GATA4: variants seen among roughly 807,000 people sequenced by gnomAD.
GATA4 encodes the protein GATA binding protein 4, also known as transcription factor GATA-4.
Under a neutral mutation model 37.9 loss-of-function variants are expected in GATA4, and 7 were observed. The observed-to-expected ratio is 0.18, with a 90% CI of 0.11 to 0.35. The LOEUF is 0.35. Among genes scored for constraint, GATA4 ranks in the 10% least tolerant of loss-of-function variants. GATA4 has a pLI of 1.00. For synonymous variants in GATA4, 372 were observed against 292.6 expected, an observed-to-expected ratio of 1.27 and a Z score of -2.77; for missense variants, 647 against 653.0, an observed-to-expected ratio of 0.99 and a Z score of 0.10.
chr8:11,691,597 G>A (rs1161563186), upstream of GATA4, among the ~76,000 whole-genome samples: 6 of 152,236 alleles, frequency 3.9e-5, no homozygotes, highest in Admixed American at 6.5e-5. Context: ...TCATTTTATG[G>A]ACAGAAAACT....
intron 1 of GATA4, among the ~76,000 whole-genome samples, chr8:11,687,464 C>T (rs1563186958): frequency 6.6e-6 from 1 of 152,144 alleles, no homozygotes; most frequent in South Asian, 2.1e-4. Flanking sequence ...ACTGCTGAAC[C>T]AAACAGAGCT....
intron 1 of GATA4, among the ~76,000 whole-genome samples, chr8:11,679,416 C>G (rs904779374): frequency 6.6e-6 from 1 of 152,184 alleles, no homozygotes; most frequent in East Asian, 1.9e-4. Context: ...CCAGCCGGGT[C>G]TGATAAAGCC....
At chr8:11,737,302 G>T (rs991620914) in intron 2 of GATA4, among the ~76,000 whole-genome samples, 3 of 152,182 alleles carry the variant, frequency 2.0e-5, no homozygotes, top group Admixed American at 1.3e-4. Flanking sequence ...CCAGCTGGCT[G>T]CTGCTGCTGC....
At position 11,709,059 on chromosome 8, in the gene GATA4, T is replaced by C. The variant is rs1800042870; in HGVS notation, c.616+131T>C. On this transcript the variant is annotated intron_variant, in intron 2 of 6. Coordinates refer to ENST00000532059, the MANE Select transcript of GATA4 (RefSeq NM_001308093.3). The surrounding 1 kb of genome is among the most constrained non-coding windows in gnomAD (Gnocchi z 4.3). Reference sequence around the variant, plus strand: ...GGATGGTGCTTCACTACCTCGAGTTTCTAGGGAAGGCAGAAGCCAGTGCGG... The same window carrying C: ...GGATGGTGCTTCACTACCTCGAGTTCCTAGGGAAGGCAGAAGCCAGTGCGG... 9 of 962,026 alleles carry C rather than the reference T, an allele frequency of 9.4e-6. No homozygotes were observed. Among genetic ancestry groups the C allele is most frequent in the Non-Finnish European group, 1.3e-5 (9 of 700,198 alleles). 59.6% of individuals were successfully genotyped at this position (962,026 alleles called of 1,614,324 possible).
intron 1 of GATA4, chr8:11,677,100 C>G (rs534114355): frequency 6.5e-6 from 1 of 152,928 alleles, no homozygotes; most frequent in African/African-American, 2.4e-5. Flanking sequence ...GACCCCTCTG[C>G]CGTGGGAGGC....
At chr8:11,692,928 C>G in intron 1 of GATA4, 1 of 984,722 alleles carries the variant, frequency 1.0e-6, no homozygotes, top group South Asian at 4.7e-5. Flanking sequence ...CCGCGGCGGC[C>G]GTCAGCGCGC....
chr8:11,680,813 C>A, intron 1 of GATA4: 2 of 985,400 alleles, frequency 2.0e-6, no homozygotes, highest in East Asian at 1.1e-4. Context: ...CACCCCGACG[C>A]CTCGGTCCCC....
upstream of GATA4, among the ~76,000 whole-genome samples, chr8:11,699,968 A>G (rs1799621447): frequency 6.6e-6 from 1 of 152,234 alleles, no homozygotes; most frequent in African/African-American, 2.4e-5. Context: ...TAGAATGGAA[A>G]AAAAAGAACT....
At chr8:11,746,711 G>A (rs891067856) in intron 2 of GATA4, among the ~76,000 whole-genome samples, 5 of 150,906 alleles carry the variant, frequency 3.3e-5, no homozygotes, top group Non-Finnish European at 7.4e-5. Context: ...AGTGTTGATT[G>A]TGGTGGTCCA....
Position 11,708,545 on chromosome 8 carries a change from C to G in GATA4, c.233C>G (p.Ala78Gly), listed in dbSNP as rs1203256004. 2.8e-6 allele frequency: 4 copies of G among 1,428,878 alleles called. No individual in the cohort carries two copies. The highest frequency in any genetic ancestry group is 3.6e-6 in the Non-Finnish European group (4 of 1,098,956). 88.5% of individuals were successfully genotyped at this position (1,428,878 alleles called of 1,614,324 possible). Residue 78 changes from alanine (A) to glycine (G), a missense_variant, in exon 2 of 7, where the codon GCG becomes GGG. This residue lies in a region of GATA4 where 379 missense variants were observed against 334.5 expected (regional missense o/e 1.13). Coordinates refer to ENST00000532059, the MANE Select transcript of GATA4 (RefSeq NM_001308093.3). This position sits in a 1 kb window ranked among gnomAD's most constrained non-coding sequence, Gnocchi z 6.7. ...GGSSGGAASG[A>G]GPGTQQGSPG... ...AGCTCCGGTGGGGCCGCGTCTGGTG[C>G]GGGGCCCGGGACCCAGCAGGGCAGC...
At chr8:11,692,494 T>C (rs1799345843), upstream of GATA4, 1 of 984,924 alleles carries the variant, frequency 1.0e-6, no homozygotes, top group Non-Finnish European at 1.2e-6. Flanking sequence ...TCTCCTCCCG[T>C]GCACAGCGTG....
At chr8:11,757,501 G>T (rs1481001568) in intron 6 of GATA4, among the ~76,000 whole-genome samples, 1 of 152,250 alleles carries the variant, frequency 6.6e-6, no homozygotes, top group Non-Finnish European at 1.5e-5. Context: ...GCTGTCGGAG[G>T]CCGAGCGGAG....
At chr8:11,755,762 C>T (rs1221178773) in intron 5 of GATA4, among the ~76,000 whole-genome samples, 1 of 151,938 alleles carries the variant, frequency 6.6e-6, no homozygotes, top group East Asian at 1.9e-4. Flanking sequence ...AGTTTTTCTG[C>T]TTCTGGGTCA....
intron 2 of GATA4, among the ~76,000 whole-genome samples, chr8:11,716,240 A>G (rs933598245): frequency 6.6e-5 from 10 of 152,210 alleles, no homozygotes; most frequent in Admixed American, 1.3e-4. Flanking sequence ...TTTTAAAAAC[A>G]TATTAAACTA....
At chr8:11,691,978 T>G, upstream of GATA4, 1 of 981,794 alleles carries the variant, frequency 1.0e-6, no homozygotes. Flanking sequence ...CAATGTTGAC[T>G]TTCTCCTTTA....
At chr8:11,725,858 C>T (rs1376278683) in intron 2 of GATA4, among the ~76,000 whole-genome samples, 6 of 151,996 alleles carry the variant, frequency 3.9e-5, no homozygotes, top group Non-Finnish European at 8.8e-5. Context: ...GGGGCCTGGG[C>T]CCGGGGGGTG....
upstream of GATA4, among the ~76,000 whole-genome samples, chr8:11,690,121 G>A (rs886915563): frequency 6.6e-6 from 1 of 152,238 alleles, no homozygotes. Flanking sequence ...ACGGGCCAAA[G>A]GTACCTGGTG....
At chr8:11,681,504 G>A (rs866954888) in intron 1 of GATA4, 4 of 914,654 alleles carry the variant, frequency 4.4e-6, no homozygotes, top group Non-Finnish European at 3.8e-6. Flanking sequence ...GGGGGGGGGG[G>A]GGGGATGGGG....
At chr8:11,717,328 A>G (rs1329506432) in intron 2 of GATA4, among the ~76,000 whole-genome samples, 1 of 152,228 alleles carries the variant, frequency 6.6e-6, no homozygotes, top group Non-Finnish European at 1.5e-5. Context: ...TTTTAGCGAG[A>G]GTAGCCTGTA....
Sources: gnomAD v4.1 joint callset for allele counts (sites outside exome capture counted in the v4.1 genomes callset) on GRCh38, gnomAD v4.1.1 for gene constraint, gnomAD v4.1.1 regional missense constraint, Gnocchi (gnomAD v3.1) non-coding constraint, MANE v1.5 for transcripts, NCBI Gene and HGNC (gene_info 2026-07-23, HGNC 2026-07-21) for gene names.